The following CLXN variants were observed in gnomAD, a reference collection of about 807,000 sequenced individuals.
CLXN encodes calaxin.
At chr8:48,731,510 T>C in the CLXN span, 1 of 1,586,196 alleles carries the variant, frequency 6.3e-7, no homozygotes, top group Non-Finnish European at 8.6e-7. Flanking sequence ...TTAACTGAAA[T>C]AATAAAATAG....
the CLXN span, among the ~76,000 whole-genome samples, chr8:48,731,959 A>C: frequency 6.6e-6 from 1 of 152,176 alleles, no homozygotes; most frequent in Non-Finnish European, 1.5e-5. Flanking sequence ...TCATTAATTC[A>C]TAAGCCAGAT....
At chr8:48,726,274 T>C in the CLXN span, among the ~76,000 whole-genome samples, 1 of 139,078 alleles carries the variant, frequency 7.2e-6, no homozygotes, top group East Asian at 2.4e-4. Context: ...TATCTATCCA[T>C]CCATCCATCC....
chr8:48,725,781 G>A, the CLXN span, among the ~76,000 whole-genome samples: 1 of 151,450 alleles, frequency 6.6e-6, no homozygotes, highest in Non-Finnish European at 1.5e-5. Context: ...TGCAGCCTGG[G>A]CAACAAGAGC....
the CLXN span, among the ~76,000 whole-genome samples, chr8:48,726,882 T>A: frequency 6.9e-6 from 1 of 145,950 alleles, no homozygotes; most frequent in South Asian, 2.3e-4. Context: ...TCTATCTATC[T>A]ATCTATCTAT....
the CLXN span, among the ~76,000 whole-genome samples, chr8:48,731,862 C>T: frequency 6.6e-6 from 1 of 152,100 alleles, no homozygotes; most frequent in African/African-American, 2.4e-5. Flanking sequence ...TTTACCATGG[C>T]ATTTACGAGA....
chr8:48,724,740 A>T, the CLXN span: 2 of 1,608,834 alleles, frequency 1.2e-6, no homozygotes, highest in Non-Finnish European at 1.7e-6. Context: ...ACATTTAGTT[A>T]TTCACATATC....
chr8:48,722,586 A>G, the CLXN span, among the ~76,000 whole-genome samples: 2 of 152,280 alleles, frequency 1.3e-5, no homozygotes, highest in African/African-American at 2.4e-5. Context: ...GTGTGTGTGT[A>G]TATACACATG....
the CLXN span, among the ~76,000 whole-genome samples, chr8:48,734,876 C>T: frequency 0.83 from 126,118 of 152,168 alleles, 52,392 homozygotes; most frequent in South Asian, 0.87. Context: ...TAGGTAGCAC[C>T]AGAGGCGGAG....
chr8:48,725,897 T>TATAAAG, the CLXN span, among the ~76,000 whole-genome samples: 15 of 152,134 alleles, frequency 9.9e-5, no homozygotes, highest in Non-Finnish European at 1.5e-5. Flanking sequence ...GAAGATGTGG[T>TATAAAG]ATAAAGATAA....
At chr8:48,718,432 A>G in the CLXN span, among the ~76,000 whole-genome samples, 1 of 152,136 alleles carries the variant, frequency 6.6e-6, no homozygotes, top group Non-Finnish European at 1.5e-5. Flanking sequence ...GAAAATCAGT[A>G]AACAGATGAC....
the CLXN span, chr8:48,724,774 A>C: frequency 6.2e-7 from 1 of 1,612,152 alleles, no homozygotes; most frequent in Non-Finnish European, 8.5e-7. Flanking sequence ...GGATCTTTGA[A>C]TACTTGAGCT....
the CLXN span, among the ~76,000 whole-genome samples, chr8:48,732,468 TA>T: frequency 2.0e-5 from 3 of 151,928 alleles, no homozygotes; most frequent in East Asian, 1.9e-4. Flanking sequence ...AGAGAAACAC[TA>T]AAAAGTCTGG....
At chr8:48,731,337 G>T in the CLXN span, 1 of 1,581,028 alleles carries the variant, frequency 6.3e-7, no homozygotes, top group Non-Finnish European at 8.6e-7. Flanking sequence ...TGAATCTTGT[G>T]TGTCTCTTAC....
At chr8:48,731,103 T>A in the CLXN span, among the ~76,000 whole-genome samples, 1 of 152,304 alleles carries the variant, frequency 6.6e-6, no homozygotes, top group Non-Finnish European at 1.5e-5. Flanking sequence ...AATCGAAATG[T>A]TTTAGGTTTT....
the CLXN span, chr8:48,711,140 T>C: frequency 6.6e-6 from 1 of 152,232 alleles, no homozygotes; most frequent in Non-Finnish European, 1.5e-5. Context: ...TGTCTATCCT[T>C]GGGCTAGTGA....
the CLXN span, among the ~76,000 whole-genome samples, chr8:48,734,037 A>G: frequency 6.6e-6 from 1 of 152,166 alleles, no homozygotes. Flanking sequence ...TTTTTTTCCT[A>G]AACATTTTAA....
At chr8:48,713,392 C>A in the CLXN span, among the ~76,000 whole-genome samples, 1 of 152,098 alleles carries the variant, frequency 6.6e-6, no homozygotes, top group East Asian at 1.9e-4. Flanking sequence ...ACTGGGCGAG[C>A]GTCAGAGGTG....
chr8:48,731,961 A>T, the CLXN span, among the ~76,000 whole-genome samples: 1 of 152,168 alleles, frequency 6.6e-6, no homozygotes, highest in Non-Finnish European at 1.5e-5. Flanking sequence ...ATTAATTCAT[A>T]AGCCAGATTT....
At chr8:48,730,476 G>C in the CLXN span, 6 of 1,126,108 alleles carry the variant, frequency 5.3e-6, no homozygotes, top group Non-Finnish European at 2.5e-6. Flanking sequence ...GAAAGACACT[G>C]ATTTAAGTGC....
Sources: allele counts gnomAD v4.1 joint callset (sites outside exome capture counted in the v4.1 genomes callset), GRCh38; gene constraint gnomAD v4.1.1; transcripts MANE v1.5; gene names NCBI Gene and HGNC (gene_info 2026-07-23, HGNC 2026-07-21).